KAZN: variants seen among roughly 807,000 people sequenced by gnomAD.
The protein encoded by KAZN is kazrin, periplakin interacting protein.
KAZN carries 40 observed loss-of-function variants against 87.4 expected under a neutral mutation model. That is an observed-to-expected ratio of 0.46 (90% CI 0.36 to 0.60). KAZN has a LOEUF of 0.60. KAZN is among the 20% of genes least tolerant of loss of function. The pLI, the probability that KAZN is intolerant of heterozygous loss-of-function variation, is 0.00. For missense variants in KAZN, 898 were observed against 1,073.9 expected (o/e 0.84, Z 2.29); for synonymous variants, 466 against 458.3 (o/e 1.02, Z -0.22).
At chr1:15,050,019 AGT>A (rs1447459139) in intron 4 of KAZN, among the ~76,000 whole-genome samples, 19,388 of 138,552 alleles carry the variant, frequency 0.14, 2,226 homozygotes, top group East Asian at 0.51. Context: ...ACTCCATCAG[AGT>A]AGAGTAGGGT....
chr1:13,945,710 TGAGAGAG>T (rs1641122711), intron 1 of KAZN, among the ~76,000 whole-genome samples: 1 of 137,186 alleles, frequency 7.3e-6, no homozygotes, highest in South Asian at 2.3e-4. Flanking sequence ...TGTGTGTGTG[TGAGAGAG>T]AGAGAGAGAG....
chr1:14,495,668 A>T (rs1448150961), intron 2 of KAZN, among the ~76,000 whole-genome samples: 1 of 152,084 alleles, frequency 6.6e-6, no homozygotes, highest in Non-Finnish European at 1.5e-5. Flanking sequence ...GGTCTCTCCA[A>T]CTCTCCTTCT....
At position 14,325,448 on chromosome 1, in the gene KAZN, A is replaced by T. The variant is rs549299335; in HGVS notation, c.249+144856A>T. 9.2e-5 allele frequency among the ~76,000 whole-genome samples: 14 copies of T among 152,326 alleles called. No homozygotes were observed. The East Asian group carries it at 2.7e-3, about 29-fold the overall frequency. Reference sequence around the variant, plus strand: ...CAGTCACTCAAATAGTGTTCATCTGACATGACCTCTGAGCATCACTGGACA... The same window carrying T: ...CAGTCACTCAAATAGTGTTCATCTGTCATGACCTCTGAGCATCACTGGACA... On this transcript the variant is annotated intron_variant, in intron 2 of 16. Transcript: ENST00000636203.
chr1:14,890,385 C>G (rs950366433), intron 1 of KAZN, among the ~76,000 whole-genome samples: 3 of 152,224 alleles, frequency 2.0e-5, no homozygotes. Flanking sequence ...TCCCGGGCAC[C>G]AGTCCCCACC....
chr1:13,924,665 T>A (rs1265842612), intron 1 of KAZN, among the ~76,000 whole-genome samples: 1 of 152,218 alleles, frequency 6.6e-6, no homozygotes. Context: ...TATCTACCTA[T>A]GACCTGGAAG....
chr1:15,102,244 T>A (rs1012551965), intron 11 of KAZN, among the ~76,000 whole-genome samples: 26 of 151,118 alleles, frequency 1.7e-4, no homozygotes, highest in South Asian at 6.3e-4. Context: ...TTTGCTATTT[T>A]AAAAAAAAAG....
chr1:14,162,703 G>A (rs1226863967), intron 1 of KAZN, among the ~76,000 whole-genome samples: 1 of 151,720 alleles, frequency 6.6e-6, no homozygotes, highest in African/African-American at 2.4e-5. Flanking sequence ...CACCACCATG[G>A]CTGGCTAATT....
At chr1:14,595,191 C>A (rs1676415832), upstream of KAZN, among the ~76,000 whole-genome samples, 1 of 151,902 alleles carries the variant, frequency 6.6e-6, no homozygotes, top group African/African-American at 2.4e-5. Flanking sequence ...GGATTCAGTT[C>A]TTTGTAGTCT....
At chr1:14,842,839 C>T (rs804132) in intron 1 of KAZN, among the ~76,000 whole-genome samples, 82,142 of 152,104 alleles carry the variant, frequency 0.54, 23,645 homozygotes, top group South Asian at 0.67. Flanking sequence ...ATGATGGTCC[C>T]ATGGCCACCC....
intron 1 of KAZN, among the ~76,000 whole-genome samples, chr1:14,169,651 A>G (rs1557532481): frequency 6.6e-6 from 1 of 152,184 alleles, no homozygotes; most frequent in East Asian, 1.9e-4. Flanking sequence ...TCGTGTCACA[A>G]CTAGACCTGC....
At chr1:14,243,491 G>A (rs1018272915) in intron 2 of KAZN, among the ~76,000 whole-genome samples, 5 of 152,158 alleles carry the variant, frequency 3.3e-5, no homozygotes, top group African/African-American at 1.2e-4. Flanking sequence ...TTGGTTTAAC[G>A]TAGCTCTTCA....
intron 1 of KAZN, among the ~76,000 whole-genome samples, chr1:14,048,930 C>T (rs1470670790): frequency 6.6e-6 from 1 of 152,292 alleles, no homozygotes; most frequent in African/African-American, 2.4e-5. Flanking sequence ...TCTCCAGCAC[C>T]TGTTGTTTCC....
At chr1:14,892,672 A>C (rs1194317005) in intron 1 of KAZN, among the ~76,000 whole-genome samples, 3 of 151,694 alleles carry the variant, frequency 2.0e-5, no homozygotes, top group Non-Finnish European at 2.9e-5. Context: ...ACTGCCCACC[A>C]CCCCTGCCCA....
chr1:14,412,316 A>G (rs1664374244), intron 2 of KAZN, among the ~76,000 whole-genome samples: 1 of 152,238 alleles, frequency 6.6e-6, no homozygotes. Flanking sequence ...AAGAACAACC[A>G]AAATAAAAGT....
chr1:14,957,938 C>T (rs1488130888), intron 1 of KAZN, among the ~76,000 whole-genome samples: 1 of 152,202 alleles, frequency 6.6e-6, no homozygotes, highest in Non-Finnish European at 1.5e-5. Flanking sequence ...GGGAGGTGCC[C>T]TGGGAGGCCT....
chr1:14,837,550 A>ATTTTTTTTTTTTTTTTTTTTTTTTT (rs1164233693), intron 1 of KAZN, among the ~76,000 whole-genome samples: 1 of 117,716 alleles, frequency 8.5e-6, no homozygotes, highest in Non-Finnish European at 1.7e-5. Context: ...TAGCTGTATA[A>ATTTTTTTTTTTTTTTTTTTTTTTTT]TTTTTTTTTT....
intron 1 of KAZN, among the ~76,000 whole-genome samples, chr1:14,649,819 A>G (rs1163580486): frequency 6.6e-6 from 1 of 152,164 alleles, no homozygotes; most frequent in African/African-American, 2.4e-5. Context: ...GATCCCATTA[A>G]TCCAAGAATA....
intron 1 of KAZN, among the ~76,000 whole-genome samples, chr1:14,838,168 G>A (rs1307388622): frequency 2.0e-5 from 3 of 152,280 alleles, no homozygotes; most frequent in African/African-American, 7.2e-5. Flanking sequence ...CTCACGTGGA[G>A]GAAGGGATGG....
rs111770645 is a variant in KAZN at position 14,918,003 on chromosome 1, C to T, written c.227-42681C>T. 4.4e-3 allele frequency among the ~76,000 whole-genome samples: 665 copies of T among 152,122 alleles called. 3 individuals carry two copies. Among genetic ancestry groups the T allele is most frequent in the South Asian group, 7.1e-3 (34 of 4,804 alleles). On this transcript the variant is annotated intron_variant, in intron 1 of 14. Coordinates refer to ENST00000376030, the MANE Select transcript of KAZN (RefSeq NM_201628.3). Reference sequence around the variant, plus strand: ...AAGCAATTCTACTGCCTCAGCCTCCCGAGTAGCTGGGATTACAAGCATGAG... The same window carrying T: ...AAGCAATTCTACTGCCTCAGCCTCCTGAGTAGCTGGGATTACAAGCATGAG...
Sources: gnomAD v4.1 joint callset for allele counts (sites outside exome capture counted in the v4.1 genomes callset) on GRCh38, gnomAD v4.1.1 for gene constraint, MANE v1.5 for transcripts, NCBI Gene and HGNC (gene_info 2026-07-23, HGNC 2026-07-21) for gene names.